Variants in OPRD1 observed in about 807,000 individuals in gnomAD.
OPRD1 encodes the protein delta-type opioid receptor.
Under a neutral mutation model 17.5 loss-of-function variants are expected in OPRD1, and 19 were observed. That is an observed-to-expected ratio of 1.09 (90% confidence interval 0.76 to 1.60). The LOEUF is 1.60. OPRD1 is among the 40% of genes most tolerant of loss of function. The pLI, the probability that OPRD1 is intolerant of heterozygous loss-of-function variation, is 0.00. For missense variants in OPRD1, 483 were observed against 547.2 expected (o/e 0.88, Z 1.17); for synonymous variants, 256 against 240.9 (o/e 1.06, Z -0.58).
At chr1:28,819,540 G>C (rs1024068551) in intron 1 of OPRD1, among the ~76,000 whole-genome samples, 1 of 152,300 alleles carries the variant, frequency 6.6e-6, no homozygotes, top group African/African-American at 2.4e-5. Context: ...CATGCCAGAG[G>C]CTTCTGGATC....
chr1:28,859,132 A>G lies in OPRD1; in HGVS notation c.406A>G (p.Ile136Val). ...SIDYYNMFTSIFTLTMMSVDR... is the reference protein window; with the variant it reads ...SIDYYNMFTSVFTLTMMSVDR... Reference sequence around the variant, plus strand: ...CGACTACTACAATATGTTCACCAGCATCTTCACGCTCACCATGATGAGTGT... The same window carrying G: ...CGACTACTACAATATGTTCACCAGCGTCTTCACGCTCACCATGATGAGTGT... The change falls in exon 2 of 3, where the codon ATC becomes GTC. Residue 136 changes from isoleucine (I) to valine (V), a missense_variant. Coordinates refer to ENST00000234961, the MANE Select transcript of OPRD1 (RefSeq NM_000911.4). 6.2e-7 allele frequency: 1 copy of G among 1,614,236 alleles called. No individual in the cohort carries two copies. The highest frequency in any genetic ancestry group is 8.5e-7 in the Non-Finnish European group (1 of 1,180,038).
chr1:28,850,231 G>C (rs1202599563), intron 1 of OPRD1, among the ~76,000 whole-genome samples: 1 of 152,068 alleles, frequency 6.6e-6, no homozygotes. Flanking sequence ...TCTTGTGCCT[G>C]TAATCCTAGA....
rs891443174 is a variant in OPRD1, at chr1:28,817,766, G to A, written c.227+5156G>A. Among the ~76,000 whole-genome samples, 3 of 152,228 alleles carry A rather than the reference G, an allele frequency of 2.0e-5. No homozygotes were observed. The South Asian group carries it at 6.2e-4, about 32-fold the overall frequency. ...GTTGCCCAGGCTGGAGTGCAGTGGT[G>A]TGATCTCGGCTCACTGCAACCTCTG... On this transcript the variant is annotated intron_variant, in intron 1 of 2. Transcript: ENST00000234961.
At chr1:28,837,669 AC>A (rs1158057339) in intron 1 of OPRD1, among the ~76,000 whole-genome samples, 32 of 150,572 alleles carry the variant, frequency 2.1e-4, no homozygotes, top group East Asian at 8.1e-4. Flanking sequence ...AACAAAAAAA[AC>A]AAAAAAAAAC....
At chr1:28,853,511 A>G (rs1336346655) in intron 1 of OPRD1, among the ~76,000 whole-genome samples, 1 of 152,212 alleles carries the variant, frequency 6.6e-6, no homozygotes, top group South Asian at 2.1e-4. Flanking sequence ...ACGCTTCAAC[A>G]AGTACTATCT....
At chr1:28,822,596 C>T (rs1411222229) in intron 1 of OPRD1, among the ~76,000 whole-genome samples, 2 of 152,050 alleles carry the variant, frequency 1.3e-5, no homozygotes, top group Admixed American at 6.6e-5. Flanking sequence ...ATTCTCCTGC[C>T]TCAGCCTCCC....
rs2088635561 is a variant in OPRD1, at chr1:28,812,230, GGC to G, written c.-153_-152del. On this transcript the variant is annotated 5_prime_UTR_variant, in exon 1 of 3. Coordinates refer to ENST00000234961, the MANE Select transcript of OPRD1 (RefSeq NM_000911.4). Reference sequence around the variant, plus strand: ...GGGGCTGGGCCGGTGCGGGCGGCGAGGCAGGCGGACGAGGCGCAGAGACAGCG... The same window carrying G: ...GGGGCTGGGCCGGTGCGGGCGGCGAGAGGCGGACGAGGCGCAGAGACAGCG... 1 of 288,114 alleles carries G rather than the reference GGC, an allele frequency of 3.5e-6. No individual in the cohort carries two copies. Among genetic ancestry groups the G allele is most frequent in the African/African-American group, 2.3e-5 (1 of 44,074 alleles). 17.8% of individuals were successfully genotyped at this position (288,114 alleles called of 1,614,324 possible). A position where few individuals can be genotyped will look rare whatever the true frequency, so the allele number is the denominator to read the frequency against.
At position 28,812,254 on chromosome 1, in the gene OPRD1, A is replaced by G. The variant is rs1362797419; in HGVS notation, c.-130A>G. 1 of 447,864 alleles carries G rather than the reference A, an allele frequency of 2.2e-6. No individual in the cohort carries two copies. Among genetic ancestry groups the G allele is most frequent in the African/African-American group, 2.1e-5 (1 of 47,384 alleles). The allele number at this position is 447,864 out of a possible 1,614,324, so 27.7% of individuals were successfully genotyped here. ...AGGCAGGCGGACGAGGCGCAGAGAC[A>G]GCGGGGCGGCCGGGGCGCGGCAGCC... On this transcript the variant is annotated 5_prime_UTR_variant, in exon 1 of 3. Transcript: ENST00000234961.
chr1:28,846,905 C>A (rs1286209721), intron 1 of OPRD1, among the ~76,000 whole-genome samples: 1 of 129,450 alleles, frequency 7.7e-6, no homozygotes, highest in African/African-American at 3.0e-5. Flanking sequence ...CTCTTTCTTT[C>A]TTTTTCTTTC....
intron 1 of OPRD1, among the ~76,000 whole-genome samples, chr1:28,825,241 T>A (rs2088754189): frequency 6.6e-6 from 1 of 152,192 alleles, no homozygotes; most frequent in Non-Finnish European, 1.5e-5. Flanking sequence ...GTTCTGTGTC[T>A]TTTGAGTCCA....
intron 1 of OPRD1, among the ~76,000 whole-genome samples, chr1:28,846,660 G>A (rs2088946181): frequency 6.7e-6 from 1 of 149,556 alleles, no homozygotes; most frequent in Admixed American, 6.7e-5. Context: ...TCCAGCCTGG[G>A]CGACAGAGCA....
intron 1 of OPRD1, among the ~76,000 whole-genome samples, chr1:28,854,819 A>G (rs902646665): frequency 2.6e-5 from 4 of 151,948 alleles, no homozygotes; most frequent in African/African-American, 9.7e-5. Flanking sequence ...CGCCCGGCTA[A>G]TTTTTGTATT....
At chr1:28,846,889 TCTTTTC>T (rs776531455) in intron 1 of OPRD1, among the ~76,000 whole-genome samples, 29 of 57,864 alleles carry the variant, frequency 5.0e-4, no homozygotes, top group African/African-American at 9.5e-4. Flanking sequence ...TTTCTTTCTT[TCTTTTC>T]TCTTTCTTTC....
At chr1:28,814,247 A>G (rs1364101975) in intron 1 of OPRD1, among the ~76,000 whole-genome samples, 1 of 152,078 alleles carries the variant, frequency 6.6e-6, no homozygotes, top group Non-Finnish European at 1.5e-5. Context: ...TGTGACTTGG[A>G]TGAATCACTT....
At position 28,848,163 on chromosome 1, in the gene OPRD1, C is replaced by T. The variant is rs146480449; in HGVS notation, c.228-10791C>T. ...ACTCAGGAGGCTGAGAAAGGAGAAT[C>T]GCTTGAACCTGGGAGGCGGAGGTTG... On this transcript the variant is annotated intron_variant, in intron 1 of 2. Transcript: ENST00000234961. Among the ~76,000 whole-genome samples, 570 of 152,062 alleles carry T rather than the reference C, an allele frequency of 3.7e-3. 9 individuals carry two copies. The highest frequency in any genetic ancestry group is 0.013 in the African/African-American group (536 of 41,466).
rs2089088622 is a variant in OPRD1, at chr1:28,859,219, G to T, written c.493G>T (p.Ala165Ser). 1 of 1,614,136 alleles carries T rather than the reference G, an allele frequency of 6.2e-7. No individual in the cohort carries two copies. The highest frequency in any genetic ancestry group is 1.3e-5 in the African/African-American group (1 of 74,952). Residue 165 changes from alanine (A) to serine (S), a missense_variant, in exon 2 of 3, where the codon GCC (alanine) becomes TCC (serine). Coordinates refer to ENST00000234961, the MANE Select transcript of OPRD1 (RefSeq NM_000911.4). ...KALDFRTPAK[A>S]KLINICIWVL... Reference sequence around the variant, plus strand: ...CCTGGACTTCCGCACGCCTGCCAAGGCCAAGCTGATCAACATCTGTATCTG... The same window carrying T: ...CCTGGACTTCCGCACGCCTGCCAAGTCCAAGCTGATCAACATCTGTATCTG...
rs565943073 is a variant in OPRD1, at chr1:28,868,753, T to G, written c.*5470T>G. ...TACTCAGGAGGCTGAGGCGGGAGAATCGCCTGAACCCAGGAAGCAGAGGTT... is the reference window on the plus strand; with the variant it reads ...TACTCAGGAGGCTGAGGCGGGAGAAGCGCCTGAACCCAGGAAGCAGAGGTT... On this transcript the variant is annotated 3_prime_UTR_variant, in exon 3 of 3. Coordinates refer to ENST00000234961, the MANE Select transcript of OPRD1 (RefSeq NM_000911.4). 1 of 151,448 alleles carries G rather than the reference T, an allele frequency of 6.6e-6. No homozygotes were observed. The highest frequency in any genetic ancestry group is 1.5e-5 in the Non-Finnish European group (1 of 68,048). The allele number at this position is 151,448 out of a possible 1,614,324, so 9.4% of individuals were successfully genotyped here. A position where few individuals can be genotyped will look rare whatever the true frequency, so the allele number is the denominator to read the frequency against.
At chr1:28,846,847 TTTCTTTCTTTCTTTCTTTCTTTC>T (rs2088952051) in intron 1 of OPRD1, among the ~76,000 whole-genome samples, 2 of 93,150 alleles carry the variant, frequency 2.1e-5, no homozygotes, top group South Asian at 2.6e-4. Context: ...CTTTCTTTCT[TTTCTTTCTTTCTTTCTTTCTTTC>T]TTTCTTTCTT....
rs2089136368 is a variant in OPRD1 at position 28,862,903 on chromosome 1, T to G, written c.739T>G (p.Ser247Ala). The part of the protein sequence containing the change: ...LLRLRSVRLL[S>A]GSKEKDRSLR... ...GCGCCTGCGCAGTGTGCGCCTGCTG[T>G]CGGGCTCCAAGGAGAAGGACCGCAG... Residue 247 changes from serine to alanine, a missense_variant, in exon 3 of 3, where the codon TCG (serine) becomes GCG (alanine). Ser to Ala is a moderately conservative substitution (Grantham distance 99). Transcript: ENST00000234961. 1 of 1,612,678 alleles carries G rather than the reference T, an allele frequency of 6.2e-7. No individual in the cohort carries two copies. Among genetic ancestry groups the G allele is most frequent in the African/African-American group, 1.3e-5 (1 of 75,066 alleles).
Sources: gnomAD v4.1 joint callset for allele counts (sites outside exome capture counted in the v4.1 genomes callset) on GRCh38, gnomAD v4.1.1 for gene constraint, MANE v1.5 for transcripts, NCBI Gene and HGNC (gene_info 2026-07-23, HGNC 2026-07-21) for gene names.